The following AXDND1 variants were observed in gnomAD, a reference collection of about 807,000 sequenced individuals.
The protein encoded by AXDND1 is axonemal dynein light chain domain containing 1.
In AXDND1, 110 loss-of-function variants were observed where a neutral mutation model predicts 137.5. The ratio of observed to expected loss-of-function variants is 0.80; its 90% CI spans 0.69 to 0.94. AXDND1 has a LOEUF of 0.94. AXDND1 is among the 40% of genes least tolerant of loss of function. The probability of loss-of-function intolerance (pLI) is 0.00; values close to 1 mark genes in which losing one functional copy is unlikely to be tolerated. For missense variants in AXDND1, 1,191 were observed against 1,169.8 expected (o/e 1.02, Z -0.26); for synonymous variants, 414 against 399.7 (o/e 1.04, Z -0.43).
chr1:179,488,802 T>C lies in AXDND1; in HGVS notation c.2092-2736T>C, dbSNP rs1177047656. ...CAGGCTGGACTGCAGTGGCACGTTC[T>C]CAGCTCACTGCAACCTCTGCCTCCT... On this transcript the variant is annotated intron_variant, in intron 18 of 25. Transcript: ENST00000367618. 1.4e-5 allele frequency among the ~76,000 whole-genome samples: 2 copies of C among 144,600 alleles called. 1 individual carries two copies. The highest frequency in any genetic ancestry group is 5.4e-5 in the African/African-American group (2 of 36,898). 94.9% of individuals were successfully genotyped at this position (144,600 alleles called of 152,430 possible).
intron 11 of AXDND1, among the ~76,000 whole-genome samples, chr1:179,404,363 A>C (rs4330884): frequency 0.28 from 43,193 of 151,738 alleles, 6,340 homozygotes; most frequent in Non-Finnish European, 0.3. Context: ...CTGGGAGTAC[A>C]GGCATCCGCC....
chr1:179,401,211 T>C (rs1229358941), intron 11 of AXDND1, among the ~76,000 whole-genome samples: 1 of 146,326 alleles, frequency 6.8e-6, no homozygotes, highest in East Asian at 2.0e-4. Flanking sequence ...TGAGCTGAGG[T>C]TGTGCCATTG....
intron 11 of AXDND1, among the ~76,000 whole-genome samples, chr1:179,398,738 C>T (rs1210316208): frequency 2.0e-5 from 3 of 151,980 alleles, no homozygotes; most frequent in Admixed American, 6.6e-5. Context: ...GGAGAGTCCA[C>T]TGTTCTCTGA....
At chr1:179,474,156 T>C (rs1571991552) in intron 17 of AXDND1, among the ~76,000 whole-genome samples, 1 of 149,544 alleles carries the variant, frequency 6.7e-6, no homozygotes, top group African/African-American at 2.5e-5. Flanking sequence ...ACCTGGAAGG[T>C]AGTGGTTGCA....
intron 16 of AXDND1, among the ~76,000 whole-genome samples, chr1:179,465,230 C>T (rs1224699400): frequency 6.6e-6 from 1 of 152,230 alleles, no homozygotes; most frequent in Non-Finnish European, 1.5e-5. Context: ...CTTCTCTACT[C>T]TGGTTTCTCC....
chr1:179,419,746 AG>A (rs1271632479), intron 12 of AXDND1, among the ~76,000 whole-genome samples: 1 of 152,064 alleles, frequency 6.6e-6, no homozygotes, highest in African/African-American at 2.4e-5. Flanking sequence ...TTTCATCTTC[AG>A]ATTGTTTGCA....
At chr1:179,470,870 T>A (rs1663837049) in intron 17 of AXDND1, among the ~76,000 whole-genome samples, 1 of 152,288 alleles carries the variant, frequency 6.6e-6, no homozygotes, top group Admixed American at 6.5e-5. Context: ...TTAAGTATAA[T>A]GTTATTTGTG....
chr1:179,408,636 C>G (rs1444136553), intron 11 of AXDND1, among the ~76,000 whole-genome samples: 1 of 152,134 alleles, frequency 6.6e-6, no homozygotes, highest in Non-Finnish European at 1.5e-5. Context: ...CTCGGCCTCC[C>G]AAAGTGCTGA....
chr1:179,407,541 G>T (rs1254152129), intron 11 of AXDND1, among the ~76,000 whole-genome samples: 1 of 151,942 alleles, frequency 6.6e-6, no homozygotes, highest in Non-Finnish European at 1.5e-5. Flanking sequence ...TTTCCTTTCA[G>T]CATTTTGAAT....
At chr1:179,529,910 T>C (rs1670897196) in intron 23 of AXDND1, among the ~76,000 whole-genome samples, 1 of 152,162 alleles carries the variant, frequency 6.6e-6, no homozygotes, top group Admixed American at 6.6e-5. Context: ...CCCAAAGTGG[T>C]GCCTTGGGAG....
chr1:179,387,858 A>G (rs565898504), intron 9 of AXDND1, among the ~76,000 whole-genome samples: 3 of 152,300 alleles, frequency 2.0e-5, no homozygotes, highest in Admixed American at 6.5e-5. Context: ...CCTTTTGGGT[A>G]GTTCTTTCCT....
intron 20 of AXDND1, among the ~76,000 whole-genome samples, 177 bp from the exon 21 acceptor site, chr1:179,509,119 A>C (rs1424117649): frequency 1.3e-5 from 2 of 152,164 alleles, no homozygotes; most frequent in African/African-American, 2.4e-5. Context: ...ATAAGAGATA[A>C]TATGATTTAG....
intron 19 of AXDND1, 46 bp downstream of exon 19, chr1:179,491,783 G>A (rs183579981): frequency 1.2e-5 from 17 of 1,436,712 alleles, no homozygotes; most frequent in Admixed American, 4.9e-5. Context: ...ATTGAATGTC[G>A]CATATAACAG....
At chr1:179,471,032 A>G (rs1663863239) in intron 17 of AXDND1, among the ~76,000 whole-genome samples, 1 of 152,112 alleles carries the variant, frequency 6.6e-6, no homozygotes, top group South Asian at 2.1e-4. Context: ...TCATGTTCAT[A>G]TGATGTATTA....
chr1:179,479,014 C>A (rs1293736222), intron 17 of AXDND1, among the ~76,000 whole-genome samples: 1 of 151,686 alleles, frequency 6.6e-6, no homozygotes, highest in African/African-American at 2.4e-5. Context: ...ACAGGAGAAT[C>A]GCTTGAACCT....
chr1:179,406,191 T>C (rs1044193793), intron 11 of AXDND1, among the ~76,000 whole-genome samples: 1 of 152,148 alleles, frequency 6.6e-6, no homozygotes, highest in Non-Finnish European at 1.5e-5. Flanking sequence ...TATTAATTTC[T>C]AGTTTTACTT....
Position 179,393,207 on chromosome 1 carries a change from C to A in AXDND1, c.864-696C>A, listed in dbSNP as rs7538909. On this transcript the variant is annotated intron_variant, in intron 9 of 25. Transcript: ENST00000367618. ...TATGGCTTGCCAATTATCCCAGCAC[C>A]ATTTGTTGAAAAGGGTGTCCTTTCC... is the stretch of plus-strand genomic sequence containing the variant. 1.1e-4 allele frequency among the ~76,000 whole-genome samples: 16 copies of A among 152,032 alleles called. No individual in the cohort carries two copies. The South Asian group carries it at 3.3e-3, about 32-fold the overall frequency.
In AXDND1 at chr1:179,447,672, A is replaced by G. The variant is rs968666281; in HGVS notation, c.1798+2468A>G. ...CTGGTTTTCCACTGTTCATTCCAAGATTACTGCCACCTGGTGGAGGGGGAG... is the reference window on the plus strand; with the variant it reads ...CTGGTTTTCCACTGTTCATTCCAAGGTTACTGCCACCTGGTGGAGGGGGAG... On this transcript the variant is annotated intron_variant, in intron 16 of 25. Transcript: ENST00000367618. 62 of 1,353,958 alleles carry G rather than the reference A, an allele frequency of 4.6e-5. No homozygotes were observed. The Middle Eastern group carries it at 2.0e-3, about 44-fold the overall frequency. 83.9% of individuals were successfully genotyped at this position (1,353,958 alleles called of 1,614,324 possible).
intron 17 of AXDND1, among the ~76,000 whole-genome samples, chr1:179,470,895 GC>G (rs1663840950): frequency 6.6e-6 from 1 of 151,970 alleles, no homozygotes; most frequent in Non-Finnish European, 1.5e-5. Context: ...TTTCCTAGAT[GC>G]CTTTTATTGG....
Sources: allele counts gnomAD v4.1 joint callset (sites outside exome capture counted in the v4.1 genomes callset), GRCh38; gene constraint gnomAD v4.1.1; transcripts MANE v1.5; gene names NCBI Gene and HGNC (gene_info 2026-07-23, HGNC 2026-07-21).